ZMYM4: variants seen among roughly 807,000 people sequenced by gnomAD.
ZMYM4 encodes zinc finger MYM-type protein 4.
Under a neutral mutation model 183.2 loss-of-function variants are expected in ZMYM4, and 31 were observed. That is an observed-to-expected ratio of 0.17 (90% CI 0.13 to 0.23). The LOEUF (loss-of-function observed/expected upper bound fraction) is 0.23, where lower values mean the gene tolerates loss of function less well. Ranked by LOEUF, ZMYM4 falls within the 10% of genes least tolerant of loss-of-function variation. ZMYM4 has a pLI of 1.00. For synonymous variants in ZMYM4, 592 were observed against 631.2 expected, an observed-to-expected ratio of 0.94 and a Z score of 0.93; for missense variants, 1,273 against 1,840.3, an observed-to-expected ratio of 0.69 and a Z score of 5.64.
At chr1:35,405,749 T>C (rs1318186050) in intron 25 of ZMYM4, among the ~76,000 whole-genome samples, 1 of 131,658 alleles carries the variant, frequency 7.6e-6, no homozygotes, top group Non-Finnish European at 1.6e-5. Flanking sequence ...GTAATCCATG[T>C]GGAGCCCAGT....
rs1006156887 is a variant in ZMYM4 at position 35,401,580 on chromosome 1, ATTTTC to A, written c.3528+2007_3528+2011del. ...GGTCCTATTTTGTTACTTCCTTTTTATTTTCTTAATGATGAGTAGCAGATTTTGAT... is the reference window on the plus strand; with the variant it reads ...GGTCCTATTTTGTTACTTCCTTTTTATTAATGATGAGTAGCAGATTTTGAT... On this transcript the variant is annotated intron_variant, in intron 23 of 29. Coordinates refer to ENST00000314607, the MANE Select transcript of ZMYM4 (RefSeq NM_005095.3). Among the ~76,000 whole-genome samples the A allele has an allele frequency of 8.6e-5, 13 of 151,378 alleles. 2 individuals carry two copies. Among genetic ancestry groups the A allele is most frequent in the African/African-American group, 2.7e-4 (11 of 41,212 alleles).
At chr1:35,273,383 C>T (rs1225462838) in intron 1 of ZMYM4, among the ~76,000 whole-genome samples, 1 of 151,904 alleles carries the variant, frequency 6.6e-6, no homozygotes, top group African/African-American at 2.4e-5. Context: ...ATTAGGTAGG[C>T]TTATTATAAA....
At chr1:35,379,776 ATAT>A (rs1287572049) in intron 7 of ZMYM4, among the ~76,000 whole-genome samples, 1 of 152,122 alleles carries the variant, frequency 6.6e-6, no homozygotes, top group Non-Finnish European at 1.5e-5. Context: ...CCTGCTTTCG[ATAT>A]TATTATGCCT....
At chr1:35,402,181 A>G (rs1285525177) in intron 23 of ZMYM4, among the ~76,000 whole-genome samples, 1 of 151,666 alleles carries the variant, frequency 6.6e-6, no homozygotes, top group Non-Finnish European at 1.5e-5. Context: ...CCAGAGGGAG[A>G]GAATTGACAT....
chr1:35,333,445 C>G (rs190325444), intron 2 of ZMYM4, among the ~76,000 whole-genome samples: 1 of 152,006 alleles, frequency 6.6e-6, no homozygotes, highest in African/African-American at 2.4e-5. Flanking sequence ...TTAATAGAGA[C>G]GGGGTTTCAC....
intron 1 of ZMYM4, among the ~76,000 whole-genome samples, chr1:35,318,123 A>G (rs1348332163): frequency 1.4e-5 from 2 of 147,780 alleles, no homozygotes; most frequent in Non-Finnish European, 3.0e-5. Flanking sequence ...CAGTTGCGCA[A>G]CCTTGGCTCA....
At chr1:35,355,200 CTTTTTTTT>C (rs1013941289) in intron 2 of ZMYM4, among the ~76,000 whole-genome samples, 9 of 77,196 alleles carry the variant, frequency 1.2e-4, no homozygotes, top group East Asian at 9.6e-4. Context: ...CGCCTGGCTT[CTTTTTTTT>C]TTTTTTTTTT....
At chr1:35,293,755 G>C (rs1465927150) in intron 1 of ZMYM4, among the ~76,000 whole-genome samples, 1 of 152,180 alleles carries the variant, frequency 6.6e-6, no homozygotes, top group East Asian at 1.9e-4. Flanking sequence ...AGGAGAAAGA[G>C]TAGAAGTCAA....
At chr1:35,418,605 C>G (rs753497262) in intron 29 of ZMYM4, 33 bp downstream of exon 29, 1 of 1,607,834 alleles carries the variant, frequency 6.2e-7, no homozygotes, top group East Asian at 2.2e-5. Context: ...GTAGTGCACT[C>G]AGAAGGCAGT....
intron 11 of ZMYM4, 37 bp downstream of exon 11, chr1:35,386,226 G>C: frequency 6.9e-7 from 1 of 1,454,992 alleles, no homozygotes; most frequent in Non-Finnish European, 9.6e-7. Flanking sequence ...TTCAGTCAGT[G>C]AGTCACCTAC....
intron 2 of ZMYM4, among the ~76,000 whole-genome samples, chr1:35,357,060 A>C (rs1013760494): frequency 2.0e-5 from 3 of 152,034 alleles, no homozygotes; most frequent in Non-Finnish European, 4.4e-5. Context: ...ATTAAAACAA[A>C]ATTTTTTTTT....
chr1:35,370,223 G>A lies in ZMYM4; in HGVS notation c.925+110G>A, dbSNP rs1644174817. On this transcript the variant is annotated intron_variant, in intron 6 of 29. Coordinates refer to ENST00000314607, the MANE Select transcript of ZMYM4 (RefSeq NM_005095.3). ...GCAGCTCTCTCTACCCACTTAGGAT[G>A]CCTTTAAATTGTATATTGCATAATT... is the stretch of plus-strand genomic sequence containing the variant. The A allele has an allele frequency of 7.4e-6, 11 of 1,488,508 alleles. No homozygotes were observed. In the Admixed American group the frequency reaches 1.4e-4, roughly 18 times the overall value. The allele number at this position is 1,488,508 out of a possible 1,614,324, so 92.2% of individuals were successfully genotyped here.
intron 1 of ZMYM4, among the ~76,000 whole-genome samples, chr1:35,321,589 CTGTGTGTG>C (rs141218579): frequency 6.8e-6 from 1 of 147,838 alleles, no homozygotes; most frequent in Non-Finnish European, 1.5e-5. Flanking sequence ...ACTTTCAGAG[CTGTGTGTG>C]TGTGTGTGTG....
intron 1 of ZMYM4, among the ~76,000 whole-genome samples, chr1:35,321,196 G>C (rs1468545248): frequency 6.6e-6 from 1 of 152,128 alleles, no homozygotes; most frequent in Admixed American, 6.5e-5. Flanking sequence ...TATTATAGTT[G>C]TTACACAGTC....
intron 21 of ZMYM4, 37 bp from the exon 22 acceptor site, chr1:35,398,827 T>C (rs766170714): frequency 6.2e-7 from 1 of 1,601,306 alleles, no homozygotes; most frequent in Non-Finnish European, 8.5e-7. Context: ...TGAGGCTATT[T>C]TATTTTGAGG....
intron 2 of ZMYM4, among the ~76,000 whole-genome samples, chr1:35,358,200 G>A (rs1643872624): frequency 6.6e-6 from 1 of 152,108 alleles, no homozygotes; most frequent in Non-Finnish European, 1.5e-5. Context: ...GTTTGTGAAG[G>A]GAAGATGAAT....
chr1:35,404,965 G>T lies in ZMYM4; in HGVS notation c.3529-58G>T. 2.0e-6 allele frequency: 3 copies of T among 1,508,698 alleles called. No individual in the cohort carries two copies. In the South Asian group the frequency reaches 4.1e-5, roughly 21 times the overall value. 93.5% of individuals were successfully genotyped at this position (1,508,698 alleles called of 1,614,324 possible). On this transcript the variant is annotated intron_variant, in intron 23 of 29. Coordinates refer to ENST00000314607, the MANE Select transcript of ZMYM4 (RefSeq NM_005095.3). The stretch of plus-strand genomic sequence containing the variant: ...TACCCTTTCCAGCTTTGAGAACCCT[G>T]ACTCTTAAAAATCCAAAACTAAATT...
rs147395183 is a variant in ZMYM4 at position 35,377,276 on chromosome 1, C to G, written c.1182-3983C>G. On this transcript the variant is annotated intron_variant, in intron 7 of 29. Transcript: ENST00000314607. Reference sequence around the variant, plus strand: ...CTCAATGTAACTACTCACTAAATATCCTTCTCACTAAATATCCCTCTATGA... The same window carrying G: ...CTCAATGTAACTACTCACTAAATATGCTTCTCACTAAATATCCCTCTATGA... 2.4e-3 allele frequency among the ~76,000 whole-genome samples: 365 copies of G among 152,238 alleles called. 2 individuals carry two copies. Among genetic ancestry groups the G allele is most frequent in the African/African-American group, 7.8e-3 (324 of 41,548 alleles).
chr1:35,310,155 C>A (rs531279630), intron 1 of ZMYM4: 1 of 153,970 alleles, frequency 6.5e-6, no homozygotes, highest in African/African-American at 2.4e-5. Flanking sequence ...AGGCTGGTCT[C>A]GAATTCCTGA....
Sources: gnomAD v4.1 joint callset for allele counts (sites outside exome capture counted in the v4.1 genomes callset) on GRCh38, gnomAD v4.1.1 for gene constraint, MANE v1.5 for transcripts, NCBI Gene and HGNC (gene_info 2026-07-23, HGNC 2026-07-21) for gene names.